Variants in EIF2B1 observed in about 807,000 individuals in gnomAD.
EIF2B1 encodes the protein eukaryotic translation initiation factor 2B subunit alpha, also known as translation initiation factor eIF2B subunit alpha.
In EIF2B1, 30 loss-of-function variants were observed where a neutral mutation model predicts 36.8. That is an observed-to-expected ratio of 0.81 (90% confidence interval 0.61 to 1.10). EIF2B1 has a LOEUF of 1.10. Ranked by LOEUF, EIF2B1 falls within the 50% of genes least tolerant of loss-of-function variation. The pLI is 0.00. For synonymous variants in EIF2B1, 139 were observed against 142.2 expected (o/e 0.98, Z 0.16); for missense variants, 271 against 374.8 (o/e 0.72, Z 2.29).
chr12:123,625,085 G>A (rs1326340067), intron 6 of EIF2B1, among the ~76,000 whole-genome samples: 4 of 151,984 alleles, frequency 2.6e-5, no homozygotes. Context: ...CTGCCGCCCG[G>A]CGCATGCACA....
Position 123,620,705 on chromosome 12 carries a change from A to G in EIF2B1, c.*1051T>C, listed in dbSNP as rs930088602. On this transcript the variant is annotated 3_prime_UTR_variant, in exon 9 of 9. Coordinates refer to ENST00000424014, the MANE Select transcript of EIF2B1 (RefSeq NM_001414.4). ...GAAGTCTTCTTGACTTCTGATTTTC[A>G]AAACCATTCCTCAGTATCTTCAGGC... The G allele has an allele frequency of 2.5e-4, 37 of 146,670 alleles. No homozygotes were observed. The highest frequency in any genetic ancestry group is 2.8e-4 in the Admixed American group (4 of 14,328). The allele number at this position is 146,670 out of a possible 1,614,324, so 9.1% of individuals were successfully genotyped here.
At chr12:123,629,984 C>T in intron 4 of EIF2B1, 185 bp downstream of exon 4, 2 of 663,042 alleles carry the variant, frequency 3.0e-6, no homozygotes, top group East Asian at 5.5e-5. Context: ...ATTTAATCCT[C>T]ACAACAACCC....
chr12:123,627,061 T>C lies in EIF2B1; in HGVS notation c.465A>G (p.Ser155=), dbSNP rs199625718. The C allele has an allele frequency of 6.2e-7, 1 of 1,614,216 alleles. No homozygotes were observed. The highest frequency in any genetic ancestry group is 2.2e-5 in the East Asian group (1 of 44,892). ...GTACTTGCCCTGACAAATCAGGCTGTGACTCTGTGACGTATACACTAAATC... is the reference window on the plus strand; with the variant it reads ...GTACTTGCCCTGACAAATCAGGCTGCGACTCTGTGACGTATACACTAAATC... The part of the protein sequence containing the change: ...KKRFSVYVTE[S]QPDLSGKKMA... The change falls in exon 5 of 9, where the codon TCA becomes TCG. Residue 155 remains serine, a synonymous_variant. Coordinates refer to ENST00000424014, the MANE Select transcript of EIF2B1 (RefSeq NM_001414.4).
intron 7 of EIF2B1, 36 bp downstream of exon 7, chr12:123,624,751 C>G (rs756373890): frequency 1.6e-5 from 25 of 1,592,838 alleles, no homozygotes; most frequent in Middle Eastern, 1.7e-4. Flanking sequence ...ACCTCCAAGT[C>G]TTGAGCAGGG....
chr12:123,625,411 C>T (rs1955141102), intron 6 of EIF2B1, among the ~76,000 whole-genome samples: 1 of 151,984 alleles, frequency 6.6e-6, no homozygotes, highest in Middle Eastern at 3.2e-3. Flanking sequence ...CCACCATGCC[C>T]TAGAGATGGG....
Position 123,620,618 on chromosome 12 carries a change from ATATATATAT to A in EIF2B1, c.*1129_*1137del, listed in dbSNP as rs1566211578. 66 of 90,912 alleles carry A rather than the reference ATATATATAT, an allele frequency of 7.3e-4. No individual in the cohort carries two copies. The highest frequency in any genetic ancestry group is 1.3e-3 in the African/African-American group (30 of 23,732). The allele number at this position is 90,912 out of a possible 1,614,324, so 5.6% of individuals were successfully genotyped here. A position where few individuals can be genotyped will look rare whatever the true frequency, so the allele number is the denominator to read the frequency against. ...TATATATATATATATATATATATAT[ATATATATAT>A]AAGCTCTTTTTTCTGAGGCTATTTT... On this transcript the variant is annotated 3_prime_UTR_variant, in exon 9 of 9. Transcript: ENST00000424014.
At position 123,630,170 on chromosome 12, in the gene EIF2B1, G is replaced by A. The variant is rs1041124768; in HGVS notation, c.368C>T (p.Ala123Val). Reference sequence around the variant, plus strand: ...CCACCATGATGATTATCCACTCACCGCTCCATCTTTGATGAAAGTATGGCA... The same window carrying A: ...CCACCATGATGATTATCCACTCACCACTCCATCTTTGATGAAAGTATGGCA... The part of the protein sequence containing the change: ...DLCHTFIKDG[A>V]TILTHAYSRV... The change falls in exon 4 of 9, where the codon GCG (alanine) becomes GTG (valine). Residue 123 changes from alanine (A) to valine (V), a missense_variant and splice_region_variant. Ala to Val is a moderately conservative substitution (Grantham distance 64). Transcript: ENST00000424014. This position sits in a 1 kb window ranked among gnomAD's most constrained non-coding sequence, Gnocchi z 4.6. 20 of 1,613,010 alleles carry A rather than the reference G, an allele frequency of 1.2e-5. No individual in the cohort carries two copies. The highest frequency in any genetic ancestry group is 2.7e-5 in the African/African-American group (2 of 74,898).
chr12:123,622,878 G>C, intron 7 of EIF2B1, 117 bp from the exon 8 acceptor site: 1 of 1,501,304 alleles, frequency 6.7e-7, no homozygotes, highest in Non-Finnish European at 9.1e-7. Flanking sequence ...GGGAGGCCGA[G>C]GTGGGTGGAT....
intron 7 of EIF2B1, among the ~76,000 whole-genome samples, chr12:123,624,133 GTATATA>G (rs1055765144): frequency 6.7e-6 from 1 of 148,524 alleles, no homozygotes. Context: ...AAATATTTGT[GTATATA>G]TATTATGTGT....
At chr12:123,623,100 G>C (rs1364240446) in intron 7 of EIF2B1, among the ~76,000 whole-genome samples, 1 of 151,964 alleles carries the variant, frequency 6.6e-6, no homozygotes, top group Non-Finnish European at 1.5e-5. Context: ...GCCACTAGAG[G>C]CTGGATGTGG....
rs762049228 is a variant in EIF2B1, at chr12:123,633,652, G to C, written c.-95C>G. ...GCGCCGCCTGCGAGCCAGTCTGACA[G>C]CGCGCTGCACACCTCCGCACCCCAC... is the stretch of plus-strand genomic sequence containing the variant. On this transcript the variant is annotated 5_prime_UTR_variant, in exon 1 of 9. Transcript: ENST00000424014. 2 of 1,575,280 alleles carry C rather than the reference G, an allele frequency of 1.3e-6. No individual in the cohort carries two copies. Among genetic ancestry groups the C allele is most frequent in the Admixed American group, 3.3e-5 (2 of 59,766 alleles).
intron 1 of EIF2B1, among the ~76,000 whole-genome samples, chr12:123,633,275 A>G (rs1172893871): frequency 1.3e-5 from 2 of 150,094 alleles, no homozygotes; most frequent in African/African-American, 4.9e-5. Context: ...TATTCATTCT[A>G]ATTTTAATGA....
intron 8 of EIF2B1, 141 bp from the exon 9 acceptor site, chr12:123,622,061 G>C: frequency 1.7e-6 from 2 of 1,206,376 alleles, no homozygotes; most frequent in Non-Finnish European, 2.4e-6. Context: ...GGACACTAGA[G>C]ACGAGGGCAG....
In EIF2B1 at chr12:123,621,642, C is replaced by T; in HGVS notation, c.*114G>A. 7.4e-7 allele frequency: 1 copy of T among 1,356,100 alleles called. No individual in the cohort carries two copies. Among genetic ancestry groups the T allele is most frequent in the South Asian group, 1.2e-5 (1 of 83,750 alleles). The allele number at this position is 1,356,100 out of a possible 1,614,324, so 84.0% of individuals were successfully genotyped here. A position where few individuals can be genotyped will look rare whatever the true frequency, so the allele number is the denominator to read the frequency against. On this transcript the variant is annotated 3_prime_UTR_variant, in exon 9 of 9. Transcript: ENST00000424014. ...GATGTATGATTTTAAGTCCTTACTC[C>T]ATAAATCTTCATTAAACACATCTCA...
chr12:123,626,661 T>C (rs1255705473), intron 5 of EIF2B1, 168 bp from the exon 6 acceptor site: 20 of 779,762 alleles, frequency 2.6e-5, no homozygotes, highest in South Asian at 2.4e-4. Flanking sequence ...TTGAGTTCTT[T>C]AGAAAGAAGT....
In EIF2B1 at chr12:123,628,918, A is replaced by G. The variant is rs1047200811; in HGVS notation, c.369+1251T>C. Among the ~76,000 whole-genome samples, 7 of 152,334 alleles carry G rather than the reference A, an allele frequency of 4.6e-5. 1 individual carries two copies. The East Asian group carries it at 1.3e-3, about 29-fold the overall frequency. On this transcript the variant is annotated intron_variant, in intron 4 of 8. Transcript: ENST00000424014. Reference sequence around the variant, plus strand: ...CTGAGTAGGTGACTGCAGGTAAAGTACATACATACCACACTACACTAGAGC... The same window carrying G: ...CTGAGTAGGTGACTGCAGGTAAAGTGCATACATACCACACTACACTAGAGC...
intron 2 of EIF2B1, among the ~76,000 whole-genome samples, chr12:123,631,073 C>G (rs1342267682): frequency 2.0e-5 from 3 of 152,108 alleles, no homozygotes; most frequent in Non-Finnish European, 2.9e-5. Context: ...ATACTAATAC[C>G]AGAATTTATT....
In EIF2B1 at chr12:123,630,184, GAAA is replaced by G; in HGVS notation, c.351_353del (p.Phe118del). ...ATCCACTCACCGCTCCATCTTTGAT[GAAA>G]GTATGGCACAGATCTGCAATTTTGT... On this transcript the variant is annotated inframe_deletion, in exon 4 of 9. Transcript: ENST00000424014. The surrounding 1 kb of genome is among the most constrained non-coding windows in gnomAD (Gnocchi z 4.6). 2 of 1,613,880 alleles carry G rather than the reference GAAA, an allele frequency of 1.2e-6. No individual in the cohort carries two copies. The highest frequency in any genetic ancestry group is 1.7e-6 in the Non-Finnish European group (2 of 1,179,932).
At chr12:123,622,541 G>C in intron 8 of EIF2B1, 95 bp downstream of exon 8, 10 of 1,538,116 alleles carry the variant, frequency 6.5e-6, no homozygotes, top group Non-Finnish European at 8.0e-6. Flanking sequence ...AGTAGCAATA[G>C]GAAGTGAAAA....
Sources: gnomAD v4.1 joint callset for allele counts (sites outside exome capture counted in the v4.1 genomes callset) on GRCh38, gnomAD v4.1.1 for gene constraint, Gnocchi (gnomAD v3.1) non-coding constraint, MANE v1.5 for transcripts, NCBI Gene and HGNC (gene_info 2026-07-23, HGNC 2026-07-21) for gene names.